Variants in GNAQ observed in about 807,000 individuals in gnomAD.
GNAQ encodes guanine nucleotide-binding protein G(q) subunit alpha.
GNAQ carries 8 observed loss-of-function variants against 43.9 expected under a neutral mutation model. That is an observed-to-expected ratio of 0.18 (90% CI 0.11 to 0.33). The LOEUF (loss-of-function observed/expected upper bound fraction) is 0.33, where lower values mean the gene tolerates loss of function less well. Ranked by LOEUF, GNAQ falls within the 10% of genes least tolerant of loss-of-function variation. GNAQ has a pLI of 1.00. For synonymous variants in GNAQ, 155 were observed against 170.7 expected, an observed-to-expected ratio of 0.91 and a Z score of 0.71; for missense variants, 158 against 450.8, an observed-to-expected ratio of 0.35 and a Z score of 5.88.
intron 1 of GNAQ, among the ~76,000 whole-genome samples, chr9:77,986,815 T>A (rs1823444321): frequency 6.6e-6 from 1 of 151,658 alleles, no homozygotes; most frequent in Admixed American, 6.6e-5. Flanking sequence ...TTTTTTTTTT[T>A]TTTTTTTTTT....
chr9:77,801,297 A>C (rs1826739798), intron 3 of GNAQ, among the ~76,000 whole-genome samples: 1 of 152,226 alleles, frequency 6.6e-6, no homozygotes, highest in African/African-American at 2.4e-5. Context: ...ATCACTCCTA[A>C]GTTCAGGGTA....
rs1180028656 is a variant in GNAQ, at chr9:77,721,391, G to A, written c.1012C>T (p.Arg338Cys). The A allele has an allele frequency of 1.2e-6, 2 of 1,613,588 alleles. No homozygotes were observed. Among genetic ancestry groups the A allele is most frequent in the Middle Eastern group, 1.7e-4 (1 of 6,058 alleles). ...FTCATDTENI[R>C]FVFAAVKDTI... The stretch of plus-strand genomic sequence containing the variant: ...TCCTTGACGGCAGCAAAGACAAAGC[G>A]GATATTCTCGGTGTCTGTGGCGCAC... The change falls in exon 7 of 7, where the codon CGC becomes TGC. Residue 338 changes from arginine (R) to cysteine (C), a missense_variant. Transcript: ENST00000286548.
At chr9:77,744,985 G>A (rs1208613136) in intron 5 of GNAQ, among the ~76,000 whole-genome samples, 1 of 152,218 alleles carries the variant, frequency 6.6e-6, no homozygotes, top group Non-Finnish European at 1.5e-5. Context: ...GGTATCGGCA[G>A]TGAACCCAGA....
At chr9:77,754,160 C>A (rs920141996) in intron 5 of GNAQ, among the ~76,000 whole-genome samples, 1 of 152,140 alleles carries the variant, frequency 6.6e-6, no homozygotes, top group Non-Finnish European at 1.5e-5. Context: ...ATAGGCAGGC[C>A]TTCCTCAGGA....
chr9:77,766,144 A>G (rs570759182), intron 5 of GNAQ, among the ~76,000 whole-genome samples: 1 of 152,322 alleles, frequency 6.6e-6, no homozygotes, highest in African/African-American at 2.4e-5. Context: ...ATGTAGTGAT[A>G]CCTGCACAAT....
chr9:77,920,579 A>G (rs958953837), intron 2 of GNAQ, among the ~76,000 whole-genome samples: 6 of 152,206 alleles, frequency 3.9e-5, no homozygotes, highest in Non-Finnish European at 7.3e-5. Context: ...AACCACTGAG[A>G]TTTCTTGGGG....
At chr9:78,011,301 A>G (rs1441147795) in intron 1 of GNAQ, among the ~76,000 whole-genome samples, 1 of 152,242 alleles carries the variant, frequency 6.6e-6, no homozygotes, top group Non-Finnish European at 1.5e-5. Flanking sequence ...GGAAAGATAC[A>G]AACAGACCCA....
At chr9:77,906,906 T>C (rs1828718663) in intron 2 of GNAQ, among the ~76,000 whole-genome samples, 1 of 152,216 alleles carries the variant, frequency 6.6e-6, no homozygotes, top group African/African-American at 2.4e-5. Context: ...TAAATCTCAG[T>C]ATGTGAATAT....
intron 5 of GNAQ, among the ~76,000 whole-genome samples, chr9:77,767,489 C>CTTA (rs910864055): frequency 9.6e-6 from 1 of 104,048 alleles, no homozygotes; most frequent in Non-Finnish European, 2.1e-5. Context: ...TGTCAAGGAG[C>CTTA]TTATAATCTC....
At chr9:77,941,965 G>C (rs1022053266) in intron 1 of GNAQ, among the ~76,000 whole-genome samples, 98 of 150,682 alleles carry the variant, frequency 6.5e-4, no homozygotes, top group Non-Finnish European at 1.0e-3. Context: ...TATATAGAAA[G>C]AGGTAGGGTA....
intron 2 of GNAQ, among the ~76,000 whole-genome samples, chr9:77,913,216 C>A (rs1166906897): frequency 6.6e-6 from 1 of 151,752 alleles, no homozygotes; most frequent in Non-Finnish European, 1.5e-5. Flanking sequence ...CTTATGTTCA[C>A]CAAAGACAGG....
chr9:77,964,623 A>G (rs1300007657), intron 1 of GNAQ, among the ~76,000 whole-genome samples: 1 of 152,180 alleles, frequency 6.6e-6, no homozygotes, highest in Non-Finnish European at 1.5e-5. Context: ...CAGTAACAGA[A>G]AGATACCTAG....
chr9:77,755,492 A>C (rs1825887166), intron 5 of GNAQ, among the ~76,000 whole-genome samples: 2 of 152,184 alleles, frequency 1.3e-5, no homozygotes, highest in South Asian at 4.1e-4. Flanking sequence ...TATGCCATGT[A>C]CTCATAATTT....
chr9:77,995,126 A>C (rs1398263133), intron 1 of GNAQ, among the ~76,000 whole-genome samples: 1 of 152,222 alleles, frequency 6.6e-6, no homozygotes, highest in Non-Finnish European at 1.5e-5. Flanking sequence ...CCAAATTCTA[A>C]GTACTCTACA....
chr9:77,821,724 G>GGGGTGTGTGTGTGTGT (rs201504418), intron 2 of GNAQ, among the ~76,000 whole-genome samples: 14 of 142,308 alleles, frequency 9.8e-5, no homozygotes, highest in African/African-American at 3.7e-4. Context: ...TCCTAGTATG[G>GGGGTGTGTGTGTGTGT]GTGTGTGTGT....
At chr9:77,934,341 G>T (rs1284248482) in intron 1 of GNAQ, among the ~76,000 whole-genome samples, 1 of 152,012 alleles carries the variant, frequency 6.6e-6, no homozygotes, top group Non-Finnish European at 1.5e-5. Context: ...ACGTCACCTA[G>T]TATTTAGTAT....
intron 2 of GNAQ, among the ~76,000 whole-genome samples, chr9:77,852,402 G>A (rs1230213708): frequency 6.6e-6 from 1 of 152,196 alleles, no homozygotes; most frequent in Non-Finnish European, 1.5e-5. Context: ...GAAGGGTGCT[G>A]GAGTATAACT....
intron 2 of GNAQ, among the ~76,000 whole-genome samples, chr9:77,845,054 A>G (rs2117898300): frequency 6.6e-6 from 1 of 152,358 alleles, no homozygotes; most frequent in East Asian, 1.9e-4. Flanking sequence ...GAAAGTTTCT[A>G]AACTGCAAAG....
chr9:77,793,559 T>C (rs1372895286), intron 5 of GNAQ, among the ~76,000 whole-genome samples: 4 of 152,158 alleles, frequency 2.6e-5, no homozygotes, highest in African/African-American at 9.7e-5. Flanking sequence ...TGCTAGATCC[T>C]ATTTTAGTCA....
Sources: allele counts gnomAD v4.1 joint callset (sites outside exome capture counted in the v4.1 genomes callset), GRCh38; gene constraint gnomAD v4.1.1; transcripts MANE v1.5; gene names NCBI Gene and HGNC (gene_info 2026-07-23, HGNC 2026-07-21).